The following OGT variants were observed in gnomAD, a reference collection of about 807,000 sequenced individuals.
OGT encodes O-linked N-acetylglucosamine (GlcNAc) transferase, also known as UDP-N-acetylglucosamine--peptide N-acetylglucosaminyltransferase 110 kDa subunit.
Under a neutral mutation model 75.8 loss-of-function variants are expected in OGT, and 3 were observed. That is an observed-to-expected ratio of 0.04 (90% CI 0.02 to 0.10). The LOEUF is 0.10. OGT is among the 10% of genes least tolerant of loss of function. The pLI is 1.00. For missense variants in OGT, 260 were observed against 824.4 expected, an observed-to-expected ratio of 0.32 and a Z score of 8.38; for synonymous variants, 257 against 289.7, an observed-to-expected ratio of 0.89 and a Z score of 1.15.
chrX:71,566,105 A>T (rs1227090412), intron 19 of OGT, among the ~76,000 whole-genome samples: 1 of 111,872 alleles, frequency 8.9e-6, no homozygotes, highest in African/African-American at 3.3e-5. Context: ...TCCTTGGTTA[A>T]TTTTTTCCCC....
At chrX:71,562,172 C>G (rs998096715) in intron 15 of OGT, among the ~76,000 whole-genome samples, 12 of 112,551 alleles carry the variant, frequency 1.1e-4, no homozygotes, top group African/African-American at 3.9e-4. Flanking sequence ...GAAAGTTAGT[C>G]TGAAATACAG....
intron 21 of OGT, among the ~76,000 whole-genome samples, chrX:71,568,832 A>G (rs930096522): frequency 5.4e-4 from 42 of 77,651 alleles, no homozygotes; most frequent in African/African-American, 2.0e-3. Flanking sequence ...TATCTCAAAA[A>G]CAAAAACAAA....
Position 71,568,066 on chromosome X carries a change from C to T in OGT, c.2916C>T (p.Asn972=), listed in dbSNP as rs369353942. 3.3e-6 allele frequency: 4 copies of T among 1,209,499 alleles called. No homozygotes were observed. The highest frequency in any genetic ancestry group is 2.2e-5 in the Admixed American group (1 of 45,812). Residue 972 remains asparagine, a synonymous_variant, in exon 21 of 22, where the codon AAC becomes AAT. Coordinates refer to ENST00000373719, the MANE Select transcript of OGT (RefSeq NM_181672.3). Reference sequence around the variant, plus strand: ...GTTGTCTTGAGCTTATTGCTAAAAACAGACAAGAATATGAAGACATAGCTG... The same window carrying T: ...GTTGTCTTGAGCTTATTGCTAAAAATAGACAAGAATATGAAGACATAGCTG... ...CLGCLELIAK[N]RQEYEDIAVK...
chrX:71,555,333 A>T lies in OGT; in HGVS notation c.872A>T (p.His291Leu). 1 of 1,211,495 alleles carries T rather than the reference A, an allele frequency of 8.3e-7. No individual in the cohort carries two copies. Among genetic ancestry groups the T allele is most frequent in the Non-Finnish European group, 1.1e-6 (1 of 895,437 alleles). Residue 291 changes from histidine to leucine, a missense_variant, in exon 7 of 22, where the codon CAT (histidine) becomes CTT (leucine). His to Leu is a moderately conservative substitution (Grantham distance 99). This residue lies in a region of OGT where 99 missense variants were observed against 417.9 expected (regional missense o/e 0.24). Transcript: ENST00000373719. ...TYRRAIELQP[H>L]FPDAYCNLAN... The stretch of plus-strand genomic sequence containing the variant: ...AGGCGGGCTATCGAACTACAACCAC[A>T]TTTCCCTGATGCTTACTGCAACCTA...
intron 3 of OGT, among the ~76,000 whole-genome samples, chrX:71,543,049 G>A (rs897713581): frequency 5.4e-5 from 6 of 111,470 alleles, no homozygotes; most frequent in Non-Finnish European, 7.5e-5. Flanking sequence ...ATGGCTGACC[G>A]TAAGATTGTT....
chrX:71,555,070 A>G, intron 6 of OGT, 120 bp from the exon 7 acceptor site: 1 of 477,617 alleles, frequency 2.1e-6, no homozygotes, highest in South Asian at 5.1e-5. Flanking sequence ...ATTACTTGAT[A>G]TATTTTGATA....
At chrX:71,571,893 T>A (rs766337177) in intron 21 of OGT, among the ~76,000 whole-genome samples, 1 of 109,887 alleles carries the variant, frequency 9.1e-6, no homozygotes, top group East Asian at 2.8e-4. Context: ...CCTCAGCCTC[T>A]TGAGTAGCTG....
Position 71,556,716 on chromosome X carries a change from G to T in OGT, c.1102G>T (p.Ala368Ser). 2.5e-6 allele frequency: 3 copies of T among 1,199,768 alleles called. No homozygotes were observed. Among genetic ancestry groups the T allele is most frequent in the Non-Finnish European group, 2.3e-6 (2 of 888,721 alleles). ...GTTTGCTGCTGCCCATTCAAATTTA[G>T]CAAGTGTACTGCAGCAGCAGGGAAA... ...PEFAAAHSNL[A>S]SVLQQQGKLQ... is the part of the protein sequence containing the mutation. Residue 368 changes from alanine to serine, a missense_variant, in exon 9 of 22, where the codon GCA becomes TCA. Coordinates refer to ENST00000373719, the MANE Select transcript of OGT (RefSeq NM_181672.3).
At chrX:71,549,555 G>T (rs2040287540) in intron 5 of OGT, among the ~76,000 whole-genome samples, 2 of 110,619 alleles carry the variant, frequency 1.8e-5, no homozygotes, top group Admixed American at 2.0e-4. Flanking sequence ...CGAGGCTGAG[G>T]TGGGAGGATT....
chrX:71,535,371 T>G, intron 1 of OGT, among the ~76,000 whole-genome samples: 1 of 112,017 alleles, frequency 8.9e-6, no homozygotes, highest in Middle Eastern at 4.6e-3. Flanking sequence ...CAGAGCTGTT[T>G]GGAAAATGTT....
At chrX:71,562,691 T>A (rs975198813) in intron 15 of OGT, among the ~76,000 whole-genome samples, 156 bp from the exon 16 acceptor site, 1 of 112,221 alleles carries the variant, frequency 8.9e-6, no homozygotes, top group Non-Finnish European at 1.9e-5. Context: ...ACTTATTTAA[T>A]TTTGGCACCT....
intron 1 of OGT, chrX:71,534,162 A>G (rs779099049): frequency 1.8e-5 from 2 of 110,318 alleles, no homozygotes; most frequent in East Asian, 5.7e-4. Flanking sequence ...CTGCCCGCCC[A>G]ATTCTCGCTT....
chrX:71,553,420 A>G (rs1329389092), intron 5 of OGT, among the ~76,000 whole-genome samples: 4 of 111,470 alleles, frequency 3.6e-5, no homozygotes, highest in African/African-American at 1.3e-4. Context: ...TCAGTCTTTA[A>G]TAAACATACA....
chrX:71,538,563 T>C (rs2040196161), intron 3 of OGT, among the ~76,000 whole-genome samples: 1 of 112,445 alleles, frequency 8.9e-6, no homozygotes, highest in African/African-American at 3.2e-5. Flanking sequence ...TTAGAAGTCA[T>C]AGAATTTAGA....
chrX:71,565,894 G>A (rs1183928303), intron 19 of OGT, among the ~76,000 whole-genome samples: 1 of 112,577 alleles, frequency 8.9e-6, no homozygotes, highest in Non-Finnish European at 1.9e-5. Context: ...AGCATATGCT[G>A]TCATGTACAT....
At chrX:71,571,337 A>C (rs1031428262) in intron 21 of OGT, among the ~76,000 whole-genome samples, 1 of 112,203 alleles carries the variant, frequency 8.9e-6, no homozygotes, top group Admixed American at 9.5e-5. Context: ...TTTTGAAATA[A>C]ATTGCAGACA....
intron 3 of OGT, among the ~76,000 whole-genome samples, chrX:71,542,901 T>A (rs2040229700): frequency 8.9e-6 from 1 of 112,213 alleles, no homozygotes; most frequent in Non-Finnish European, 1.9e-5. Context: ...CAAATAAGAT[T>A]AATGGTACCT....
At chrX:71,555,907 G>C in intron 7 of OGT, 47 bp from the exon 8 acceptor site, 1 of 1,185,524 alleles carries the variant, frequency 8.4e-7, no homozygotes, top group Non-Finnish European at 1.1e-6. Flanking sequence ...ATCAGTGGAG[G>C]CTTTATGATT....
At chrX:71,551,805 G>A (rs1423250646) in intron 5 of OGT, among the ~76,000 whole-genome samples, 1 of 111,626 alleles carries the variant, frequency 9.0e-6, no homozygotes, top group Non-Finnish European at 1.9e-5. Context: ...AGATATACAC[G>A]GGACAGGAAA....
Sources: gnomAD v4.1 joint callset for allele counts (sites outside exome capture counted in the v4.1 genomes callset) on GRCh38, gnomAD v4.1.1 for gene constraint, gnomAD v4.1.1 regional missense constraint, MANE v1.5 for transcripts, NCBI Gene and HGNC (gene_info 2026-07-23, HGNC 2026-07-21) for gene names.